HM13: variants seen among roughly 807,000 people sequenced by gnomAD.
HM13 encodes the protein histocompatibility minor 13.
Under a neutral mutation model 50.0 loss-of-function variants are expected in HM13, and 18 were observed. The ratio of observed to expected loss-of-function variants is 0.36; its 90% CI spans 0.25 to 0.53. The LOEUF is 0.53. Ranked by LOEUF, HM13 falls within the 20% of genes least tolerant of loss-of-function variation. HM13 has a pLI of 0.90. For synonymous variants in HM13, 197 were observed against 232.6 expected (o/e 0.85, Z 1.39); for missense variants, 393 against 552.4 (o/e 0.71, Z 2.89).
intron 1 of HM13, among the ~76,000 whole-genome samples, chr20:31,518,149 C>T (rs1163141837): frequency 6.6e-6 from 1 of 151,400 alleles, no homozygotes; most frequent in Non-Finnish European, 1.5e-5. Flanking sequence ...AATTCTCCTG[C>T]CTCAGCCTCC....
chr20:31,542,010 G>A (rs1983474647), intron 3 of HM13, among the ~76,000 whole-genome samples: 1 of 152,226 alleles, frequency 6.6e-6, no homozygotes, highest in Non-Finnish European at 1.5e-5. Flanking sequence ...AAGAGGGTGG[G>A]CTGGCCACCT....
intron 4 of HM13, chr20:31,547,580 A>G (rs1190114756): frequency 1.4e-6 from 2 of 1,440,364 alleles, no homozygotes; most frequent in Non-Finnish European, 1.9e-6. Context: ...AAGGGCATTA[A>G]GAGCCAACTG....
intron 3 of HM13, among the ~76,000 whole-genome samples, chr20:31,543,933 CA>C (rs879883499): frequency 8.6e-4 from 123 of 143,346 alleles, no homozygotes; most frequent in Middle Eastern, 3.5e-3. Context: ...GACTCCATCT[CA>C]AAAAAAAAAA....
At chr20:31,520,566 A>G (rs759381927) in intron 1 of HM13, among the ~76,000 whole-genome samples, 18 of 152,252 alleles carry the variant, frequency 1.2e-4, no homozygotes, top group Middle Eastern at 6.8e-3. Context: ...GGCCTCCCAT[A>G]GTGCTGGGAT....
At chr20:31,544,703 G>A (rs1223007484) in intron 3 of HM13, among the ~76,000 whole-genome samples, 1 of 152,346 alleles carries the variant, frequency 6.6e-6, no homozygotes, top group African/African-American at 2.4e-5. Context: ...AAAGGCAGTA[G>A]AGAAATCACT....
At chr20:31,533,380 C>T (rs1982928075) in intron 2 of HM13, among the ~76,000 whole-genome samples, 1 of 152,214 alleles carries the variant, frequency 6.6e-6, no homozygotes, top group African/African-American at 2.4e-5. Flanking sequence ...TGGCCCATGC[C>T]TGTAGTCCCA....
At chr20:31,549,867 A>G (rs895006289) in intron 6 of HM13, among the ~76,000 whole-genome samples, 197 bp from the exon 7 acceptor site, 1 of 152,000 alleles carries the variant, frequency 6.6e-6, no homozygotes, top group Non-Finnish European at 1.5e-5. Flanking sequence ...GGTCTTTTCT[A>G]TACTCCCTCG....
chr20:31,542,095 C>T (rs965536174), intron 3 of HM13, among the ~76,000 whole-genome samples: 3 of 152,242 alleles, frequency 2.0e-5, no homozygotes, highest in Non-Finnish European at 2.9e-5. Context: ...GAGCTGCACC[C>T]GAGCTGTGAC....
intron 7 of HM13, chr20:31,550,352 C>A: frequency 1.9e-6 from 1 of 538,548 alleles, no homozygotes; most frequent in Non-Finnish European, 3.4e-6. Flanking sequence ...TGAAATGAGC[C>A]AAAATGGGAG....
At chr20:31,547,838 T>G in intron 4 of HM13, 1 of 931,414 alleles carries the variant, frequency 1.1e-6, no homozygotes, top group Non-Finnish European at 1.8e-6. Flanking sequence ...GCAAATATTA[T>G]GTGTCCAGGT....
At chr20:31,531,417 G>A (rs1035403713) in intron 2 of HM13, among the ~76,000 whole-genome samples, 2 of 149,390 alleles carry the variant, frequency 1.3e-5, no homozygotes, top group Non-Finnish European at 3.0e-5. Flanking sequence ...TTTTTTTAGA[G>A]ATGAGGTCTT....
intron 12 of HM13, 78 bp downstream of exon 12, chr20:31,568,302 CAGTGCAT>C (rs1186843800): frequency 1.3e-5 from 20 of 1,557,372 alleles, no homozygotes; most frequent in Non-Finnish European, 1.7e-5. Flanking sequence ...ACTGCAGCTC[CAGTGCAT>C]AGGGCAGGGA....
chr20:31,540,367 CT>C (rs1983371310), intron 3 of HM13: 1 of 152,236 alleles, frequency 6.6e-6, no homozygotes, highest in South Asian at 2.1e-4. Flanking sequence ...GGGTGTCCTC[CT>C]TTCCCATGCT....
At chr20:31,523,050 G>A (rs1169563440) in intron 1 of HM13, among the ~76,000 whole-genome samples, 2 of 149,032 alleles carry the variant, frequency 1.3e-5, no homozygotes, top group South Asian at 4.2e-4. Flanking sequence ...TTTTGGGAGG[G>A]GGGCTTTTTT....
chr20:31,547,539 C>A, intron 4 of HM13: 1 of 868,100 alleles, frequency 1.2e-6, no homozygotes, highest in South Asian at 1.5e-5. Context: ...AAAGTGTGTC[C>A]AACTGCATCC....
Position 31,559,662 on chromosome 20 carries a change from G to T in HM13, c.845+15G>T. 4 of 1,613,712 alleles carry T rather than the reference G, an allele frequency of 2.5e-6. No homozygotes were observed. Among genetic ancestry groups the T allele is most frequent in the Middle Eastern group, 3.3e-4 (2 of 6,060 alleles). ...TTTGACATCAGGTGAGTGAGTGAGG[G>T]CCTGCCCCAGCATGGGCTTCTCCAG... On this transcript the variant is annotated intron_variant, in intron 9 of 12. Coordinates refer to ENST00000398174, the MANE Select transcript of HM13 (RefSeq NM_178581.3).
intron 4 of HM13, chr20:31,548,356 C>T: frequency 3.6e-6 from 1 of 274,306 alleles, no homozygotes; most frequent in East Asian, 8.2e-5. Flanking sequence ...TGAGAATGGT[C>T]TAACATCAAG....
At chr20:31,547,546 A>G (rs1983799090) in intron 4 of HM13, 1 of 927,366 alleles carries the variant, frequency 1.1e-6, no homozygotes. Flanking sequence ...GTCCAACTGC[A>G]TCCAGTTGAA....
chr20:31,558,065 G>C (rs116238073), intron 8 of HM13, among the ~76,000 whole-genome samples: 2,856 of 152,338 alleles, frequency 0.019, 84 homozygotes, highest in African/African-American at 0.066. Context: ...CCAGAGCCCA[G>C]TAAGGGAGGC....
Sources: gnomAD v4.1 joint callset for allele counts (sites outside exome capture counted in the v4.1 genomes callset) on GRCh38, gnomAD v4.1.1 for gene constraint, MANE v1.5 for transcripts, NCBI Gene and HGNC (gene_info 2026-07-23, HGNC 2026-07-21) for gene names.